Variants in GNG12 observed in about 807,000 individuals in gnomAD.
GNG12 encodes G protein subunit gamma 12.
For missense variants in GNG12, 69 were observed against 83.8 expected, an observed-to-expected ratio of 0.82 and a Z score of 0.69; for synonymous variants, 28 against 29.7, an observed-to-expected ratio of 0.94 and a Z score of 0.19.
At chr1:67,820,396 G>A (rs56899769) in intron 1 of GNG12, among the ~76,000 whole-genome samples, 16,285 of 96,334 alleles carry the variant, frequency 0.17, 1,791 homozygotes, top group African/African-American at 0.34. Flanking sequence ...AAAAAAAAAA[G>A]ATCAACTTGG....
At chr1:67,773,807 G>A (rs1302403164) in intron 2 of GNG12, among the ~76,000 whole-genome samples, 3 of 152,176 alleles carry the variant, frequency 2.0e-5, no homozygotes, top group Non-Finnish European at 2.9e-5. Flanking sequence ...CAACTAAAAT[G>A]CCAAGGCTCA....
intron 2 of GNG12, among the ~76,000 whole-genome samples, chr1:67,774,288 T>C (rs1328937722): frequency 6.6e-6 from 1 of 152,212 alleles, no homozygotes; most frequent in Non-Finnish European, 1.5e-5. Flanking sequence ...TGGGGACTTA[T>C]TTTATCTCTG....
chr1:67,758,646 G>A (rs1057292159), intron 2 of GNG12, among the ~76,000 whole-genome samples: 1 of 152,200 alleles, frequency 6.6e-6, no homozygotes, highest in Non-Finnish European at 1.5e-5. Context: ...CTTGAAAGAT[G>A]AGGTTGGATA....
At chr1:67,831,464 A>G (rs1647044339) in intron 1 of GNG12, among the ~76,000 whole-genome samples, 1 of 152,186 alleles carries the variant, frequency 6.6e-6, no homozygotes, top group Admixed American at 6.5e-5. Flanking sequence ...ACATTTTCAT[A>G]TATTTCTACA....
chr1:67,723,800 T>C (rs1646370389), intron 2 of GNG12, among the ~76,000 whole-genome samples: 2 of 152,338 alleles, frequency 1.3e-5, no homozygotes, highest in African/African-American at 4.8e-5. Flanking sequence ...TTTAACCACA[T>C]ATGATACTTT....
intron 1 of GNG12, among the ~76,000 whole-genome samples, chr1:67,822,902 T>A (rs1361688541): frequency 6.6e-6 from 1 of 152,124 alleles, no homozygotes. Context: ...AATTTTATAT[T>A]AAAATAGCAT....
intron 2 of GNG12, among the ~76,000 whole-genome samples, chr1:67,763,090 G>GGAGAGAGAGGGAGAGAGAGAGA (rs1553157320): frequency 8.6e-6 from 1 of 116,724 alleles, no homozygotes; most frequent in Non-Finnish European, 1.8e-5. Context: ...TACCCTCCCA[G>GGAGAGAGAGGGAGAGAGAGAGA]GAGAGAGAGA....
chr1:67,828,224 G>A (rs1381791435), intron 1 of GNG12, among the ~76,000 whole-genome samples: 1 of 152,220 alleles, frequency 6.6e-6, no homozygotes, highest in African/African-American at 2.4e-5. Context: ...AGTGTTAACT[G>A]CTATGGCTAA....
chr1:67,745,458 T>C (rs887261495), intron 2 of GNG12, among the ~76,000 whole-genome samples: 6 of 152,210 alleles, frequency 3.9e-5, no homozygotes, highest in African/African-American at 1.4e-4. Context: ...CAGCATGGCA[T>C]TGGGAAGGAA....
At chr1:67,789,315 A>C (rs1039663182) in intron 1 of GNG12, among the ~76,000 whole-genome samples, 2 of 152,224 alleles carry the variant, frequency 1.3e-5, no homozygotes, top group African/African-American at 4.8e-5. Flanking sequence ...TTTTCAGAAA[A>C]AAACAATGAT....
chr1:67,707,143 G>C (rs914241054), intron 3 of GNG12, among the ~76,000 whole-genome samples: 1 of 152,296 alleles, frequency 6.6e-6, no homozygotes, highest in Non-Finnish European at 1.5e-5. Flanking sequence ...TGGTCACTGA[G>C]GGCCAAACAC....
chr1:67,825,637 T>G (rs1417238969), intron 1 of GNG12, among the ~76,000 whole-genome samples: 2 of 152,216 alleles, frequency 1.3e-5, no homozygotes, highest in African/African-American at 4.8e-5. Flanking sequence ...ACTAGAAGCC[T>G]TTTTCCAGAA....
chr1:67,768,565 C>T (rs530444773), intron 2 of GNG12, among the ~76,000 whole-genome samples: 12 of 152,220 alleles, frequency 7.9e-5, no homozygotes, highest in African/African-American at 2.9e-4. Flanking sequence ...TAATAGCTAC[C>T]ATTTATTGAA....
At chr1:67,790,636 A>G (rs1570551554) in intron 1 of GNG12, among the ~76,000 whole-genome samples, 1 of 144,594 alleles carries the variant, frequency 6.9e-6, no homozygotes, top group South Asian at 2.1e-4. Context: ...TTGAGATGGA[A>G]TCTCGCTCTG....
chr1:67,744,422 TAC>T (rs1219954923), intron 2 of GNG12, among the ~76,000 whole-genome samples: 1 of 152,186 alleles, frequency 6.6e-6, no homozygotes, highest in African/African-American at 2.4e-5. Flanking sequence ...AGGCAGAGGC[TAC>T]CCCTGGTGTT....
intron 1 of GNG12, among the ~76,000 whole-genome samples, chr1:67,826,796 G>C (rs1401971563): frequency 6.6e-6 from 1 of 152,128 alleles, no homozygotes; most frequent in Non-Finnish European, 1.5e-5. Flanking sequence ...TTCAGTTTGA[G>C]TCTTCATTTG....
At position 67,705,413 on chromosome 1, in the gene GNG12, G is replaced by T. The variant is rs753541054; in HGVS notation, c.*38C>A. 6.2e-7 allele frequency: 1 copy of T among 1,606,266 alleles called. No homozygotes were observed. Among genetic ancestry groups the T allele is most frequent in the Non-Finnish European group, 8.5e-7 (1 of 1,176,920 alleles). On this transcript the variant is annotated 3_prime_UTR_variant, in exon 4 of 4. Coordinates refer to ENST00000370982, the MANE Select transcript of GNG12 (RefSeq NM_018841.6). The stretch of plus-strand genomic sequence containing the variant: ...CTTCAAGGAGCTGCTCATAATTTGC[G>T]TTGTTGGGAAGAGGCGAGGAGCTGT...
chr1:67,749,715 G>T (rs1215003532), intron 2 of GNG12, among the ~76,000 whole-genome samples: 1 of 152,106 alleles, frequency 6.6e-6, no homozygotes, highest in Middle Eastern at 3.2e-3. Flanking sequence ...TCAGCCACAC[G>T]CCCATCTCCA....
intron 1 of GNG12, among the ~76,000 whole-genome samples, chr1:67,786,336 T>C (rs1199595671): frequency 6.6e-6 from 1 of 152,198 alleles, no homozygotes; most frequent in Non-Finnish European, 1.5e-5. Flanking sequence ...TCTATTTCCA[T>C]AACATGCCCA....
Sources: allele counts gnomAD v4.1 joint callset (sites outside exome capture counted in the v4.1 genomes callset), GRCh38; gene constraint gnomAD v4.1.1; transcripts MANE v1.5; gene names NCBI Gene and HGNC (gene_info 2026-07-23, HGNC 2026-07-21).